WDR48: variants seen among roughly 807,000 people sequenced by gnomAD.
WDR48 encodes the protein WD repeat domain 48, also known as WD repeat-containing protein 48.
Under a neutral mutation model 94.0 loss-of-function variants are expected in WDR48, and 22 were observed. The ratio of observed to expected loss-of-function variants is 0.23; its 90% confidence interval spans 0.17 to 0.33. WDR48 has a LOEUF of 0.33. WDR48 is among the 10% of genes least tolerant of loss of function. The probability of loss-of-function intolerance (pLI) is 1.00; values close to 1 mark genes in which losing one functional copy is unlikely to be tolerated. For synonymous variants in WDR48, 278 were observed against 280.5 expected (o/e 0.99, Z 0.09); for missense variants, 541 against 813.8 (o/e 0.66, Z 4.08).
At chr3:39,052,136 A>G in intron 1 of WDR48, 63 bp downstream of exon 1, 1 of 1,599,216 alleles carries the variant, frequency 6.3e-7, no homozygotes, top group South Asian at 1.1e-5. Context: ...CACTCCAGCT[A>G]GAAGGTGCCC....
At chr3:39,073,180 G>A (rs2034031999) in intron 7 of WDR48, among the ~76,000 whole-genome samples, 1 of 152,146 alleles carries the variant, frequency 6.6e-6, no homozygotes, top group Non-Finnish European at 1.5e-5. Context: ...TTCCTGGAAT[G>A]GGGAGCCCCT....
chr3:39,091,387 C>T, intron 16 of WDR48: 1 of 336,096 alleles, frequency 3.0e-6, no homozygotes, highest in Non-Finnish European at 5.5e-6. Context: ...ATACCTTGTA[C>T]TGTTATCTAA....
At chr3:39,054,656 C>T (rs892587809) in intron 1 of WDR48, among the ~76,000 whole-genome samples, 1 of 152,170 alleles carries the variant, frequency 6.6e-6, no homozygotes, top group African/African-American at 2.4e-5. Flanking sequence ...GTATCTGTCC[C>T]TACTTATGCA....
chr3:39,075,116 G>A (rs1241161270), intron 8 of WDR48, among the ~76,000 whole-genome samples, 166 bp downstream of exon 8: 1 of 151,244 alleles, frequency 6.6e-6, no homozygotes, highest in Non-Finnish European at 1.5e-5. Flanking sequence ...GTAAGGAAGA[G>A]TAGGCATCTG....
At chr3:39,055,126 A>G (rs2032784738) in intron 1 of WDR48, among the ~76,000 whole-genome samples, 3 of 152,224 alleles carry the variant, frequency 2.0e-5, no homozygotes, top group Admixed American at 1.3e-4. Context: ...ACCACGAGAC[A>G]GTAGCCCTGA....
chr3:39,094,073 G>T lies in WDR48; in HGVS notation c.1938+7G>T, dbSNP rs777818975. 2 of 1,606,444 alleles carry T rather than the reference G, an allele frequency of 1.2e-6. No homozygotes were observed. The highest frequency in any genetic ancestry group is 1.7e-6 in the Non-Finnish European group (2 of 1,177,654). On this transcript the variant is annotated splice_region_variant and intron_variant, in intron 18 of 18. Coordinates refer to ENST00000302313, the MANE Select transcript of WDR48 (RefSeq NM_020839.4). ...ACTTTTGTGCCAGGACCAGGTAAGTGGACTTGAGGACTACAGCCCCAATTT... is the reference window on the plus strand; with the variant it reads ...ACTTTTGTGCCAGGACCAGGTAAGTTGACTTGAGGACTACAGCCCCAATTT...
chr3:39,081,411 C>T (rs2034529396), intron 11 of WDR48, among the ~76,000 whole-genome samples: 1 of 152,148 alleles, frequency 6.6e-6, no homozygotes, highest in Non-Finnish European at 1.5e-5. Flanking sequence ...AGCATTGCTT[C>T]AGAATGAGAG....
intron 1 of WDR48, among the ~76,000 whole-genome samples, chr3:39,054,136 G>A (rs1025609139): frequency 1.3e-5 from 2 of 152,180 alleles, no homozygotes; most frequent in African/African-American, 4.8e-5. Context: ...TGTCTATGAG[G>A]TGTTTTTTAA....
intron 1 of WDR48, among the ~76,000 whole-genome samples, chr3:39,054,684 C>T (rs1030188167): frequency 6.6e-6 from 1 of 152,126 alleles, no homozygotes; most frequent in Admixed American, 6.5e-5. Context: ...TGTGTGAAGC[C>T]ATTCTTGAAT....
chr3:39,057,473 G>A (rs6763016), intron 1 of WDR48, among the ~76,000 whole-genome samples: 67,645 of 151,962 alleles, frequency 0.45, 18,202 homozygotes, highest in African/African-American at 0.77. Flanking sequence ...AATACAAGCA[G>A]GAATTACTTG....
Position 39,094,024 on chromosome 3 carries a change from T to G in WDR48, c.1896T>G (p.Ala632=). Residue 632 remains alanine, a synonymous_variant, in exon 18 of 19, where the codon GCT becomes GCG. Coordinates refer to ENST00000302313, the MANE Select transcript of WDR48 (RefSeq NM_020839.4). ...AACAGGAAAAAGAAGAAGATATTGC[T>G]GTGTTGGCAGAGGAGAAAATTGAAC... The part of the protein sequence containing the change: ...PGEQEKEEDI[A]VLAEEKIELL... 2.5e-6 allele frequency: 4 copies of G among 1,613,852 alleles called. No homozygotes were observed. Among genetic ancestry groups the G allele is most frequent in the Non-Finnish European group, 3.4e-6 (4 of 1,179,950 alleles).
intron 11 of WDR48, among the ~76,000 whole-genome samples, chr3:39,081,970 A>C (rs2125672840): frequency 6.6e-6 from 1 of 152,340 alleles, no homozygotes; most frequent in South Asian, 2.1e-4. Context: ...TGGGACAGTC[A>C]GGAGTTTTTT....
intron 14 of WDR48, chr3:39,087,884 C>T (rs1242322508): frequency 2.3e-6 from 1 of 436,172 alleles, no homozygotes; most frequent in Admixed American, 3.7e-5. Flanking sequence ...GAATCTCAAA[C>T]ATTAATCTCT....
chr3:39,070,355 T>A (rs2033856974), intron 7 of WDR48, among the ~76,000 whole-genome samples: 1 of 152,230 alleles, frequency 6.6e-6, no homozygotes. Flanking sequence ...ATGTCTACCA[T>A]GTACCCTTGA....
At chr3:39,085,693 C>A (rs964210823) in intron 14 of WDR48, 83 bp downstream of exon 14, 21 of 1,151,692 alleles carry the variant, frequency 1.8e-5, no homozygotes, top group East Asian at 1.7e-4. Context: ...CTTACTTAAA[C>A]CGTTAGCTAA....
intron 2 of WDR48, among the ~76,000 whole-genome samples, chr3:39,065,036 A>C (rs2033519580): frequency 6.6e-6 from 1 of 152,190 alleles, no homozygotes. Context: ...CTTTTATGAC[A>C]AGATTGAATA....
At chr3:39,054,015 T>C (rs1401352389) in intron 1 of WDR48, among the ~76,000 whole-genome samples, 1 of 151,508 alleles carries the variant, frequency 6.6e-6, no homozygotes, top group Non-Finnish European at 1.5e-5. Context: ...TTGAAAGAGC[T>C]GTCTTAGATT....
chr3:39,074,215 A>G (rs2034093081), intron 7 of WDR48, among the ~76,000 whole-genome samples: 1 of 152,196 alleles, frequency 6.6e-6, no homozygotes, highest in African/African-American at 2.4e-5. Flanking sequence ...TACAGGATTG[A>G]CCAGAAATCA....
intron 1 of WDR48, among the ~76,000 whole-genome samples, chr3:39,056,914 C>A (rs2032927367): frequency 6.6e-6 from 1 of 151,966 alleles, no homozygotes; most frequent in Admixed American, 6.6e-5. Context: ...GCCAGCAGAT[C>A]TAGAGGGCAG....
Sources: gnomAD v4.1 joint callset for allele counts (sites outside exome capture counted in the v4.1 genomes callset) on GRCh38, gnomAD v4.1.1 for gene constraint, MANE v1.5 for transcripts, NCBI Gene and HGNC (gene_info 2026-07-23, HGNC 2026-07-21) for gene names.